Variants in PCF11 observed in about 807,000 individuals in gnomAD.
PCF11 encodes the protein PCF11 cleavage and polyadenylation factor subunit.
Under a neutral mutation model 166.1 loss-of-function variants are expected in PCF11, and 19 were observed. The ratio of observed to expected loss-of-function variants is 0.11; its 90% CI spans 0.08 to 0.17. The LOEUF (loss-of-function observed/expected upper bound fraction) is 0.17, where lower values mean the gene tolerates loss of function less well. PCF11 is among the 10% of genes least tolerant of loss of function. The pLI is 1.00. For synonymous variants in PCF11, 663 were observed against 644.1 expected (o/e 1.03, Z -0.44); for missense variants, 1,565 against 1,855.5 (o/e 0.84, Z 2.88).
At chr11:83,162,031 C>T (rs1370933156) in intron 2 of PCF11, among the ~76,000 whole-genome samples, 2 of 152,230 alleles carry the variant, frequency 1.3e-5, no homozygotes, top group African/African-American at 2.4e-5. Flanking sequence ...TTTGCCCCTA[C>T]CTTAGTGTTC....
exon 1 of PCF11, chr11:83,157,484 G>C (rs1354389278): frequency 6.2e-7 from 1 of 1,613,258 alleles, no homozygotes; most frequent in Non-Finnish European, 8.5e-7. Flanking sequence ...CGGGGGCCCG[G>C]GAGGACGCCT....
chr11:83,157,791 G>GA, intron 1 of PCF11, 160 bp downstream of exon 1: 2 of 651,684 alleles, frequency 3.1e-6, no homozygotes, highest in Non-Finnish European at 5.3e-6. Context: ...CCCAGGCTTC[G>GA]AGCATGGGCC....
rs1417014541 is a variant in PCF11, at chr11:83,169,757, A to G, written c.3422A>G (p.Asn1141Ser). The G allele has an allele frequency of 3.7e-6, 6 of 1,613,830 alleles. No homozygotes were observed. The African/African-American group carries it at 6.7e-5, about 18-fold the overall frequency. ...GGTCCATATAATGATCCACCTGGCA[A>G]TGCTTTTAATGCCCCATCCCAAGGA... The change falls in exon 8 of 16, where the codon AAT (asparagine) becomes AGT (serine). Residue 1141 changes from asparagine (N) to serine (S), a missense_variant. Transcript: ENST00000298281.
At chr11:83,177,933 A>G in intron 11 of PCF11, 114 bp downstream of exon 11, 1 of 409,708 alleles carries the variant, frequency 2.4e-6, no homozygotes, top group East Asian at 3.6e-5. Context: ...TTACTGTTTT[A>G]ACATTTAGGA....
At chr11:83,157,389 G>A in exon 1 of PCF11, 5 of 1,542,136 alleles carry the variant, frequency 3.2e-6, no homozygotes, top group Non-Finnish European at 4.4e-6. Context: ...GGGGTATCCA[G>A]AGCGGCTTCA....
At chr11:83,184,831 A>G in exon 16 of PCF11, 2 of 1,595,452 alleles carry the variant, frequency 1.3e-6, no homozygotes, top group Non-Finnish European at 1.7e-6. Context: ...CAGCTTGTAC[A>G]GAGGAAAGCA....
intron 15 of PCF11, among the ~76,000 whole-genome samples, chr11:83,183,411 C>A (rs1461224315): frequency 6.6e-6 from 1 of 151,942 alleles, no homozygotes; most frequent in East Asian, 1.9e-4. Context: ...GATGGGGATA[C>A]GTTTCTAGAG....
chr11:83,166,730 T>G lies in PCF11; in HGVS notation c.1817+16T>G, dbSNP rs1274377056. On this transcript the variant is annotated intron_variant, in intron 5 of 15. Coordinates refer to ENST00000298281, the Ensembl canonical transcript of PCF11. ...AAAATAAAAGGTATGATGTTAACAT[T>G]TTAAGTCAAGTGTAGTAGTGTATAT... is the stretch of plus-strand genomic sequence containing the variant. 1.3e-6 allele frequency: 2 copies of G among 1,565,754 alleles called. No homozygotes were observed. Among genetic ancestry groups the G allele is most frequent in the Non-Finnish European group, 8.6e-7 (1 of 1,161,592 alleles).
exon 8 of PCF11, chr11:83,168,937 C>G (rs764993827): frequency 6.2e-6 from 10 of 1,613,456 alleles, no homozygotes; most frequent in African/African-American, 5.3e-5. Context: ...ATTTGAGGGA[C>G]CAGGAGGCCA....
chr11:83,157,710 C>A, intron 1 of PCF11, 79 bp downstream of exon 1: 1 of 1,303,170 alleles, frequency 7.7e-7, no homozygotes, highest in Non-Finnish European at 1.1e-6. Context: ...GGTCTCGCTT[C>A]CATCCCAAGG....
chr11:83,168,281 G>A (rs1357081186), intron 7 of PCF11, 147 bp from the exon 8 acceptor site: 18 of 720,872 alleles, frequency 2.5e-5, no homozygotes, highest in Middle Eastern at 7.7e-4. Context: ...GACTCTAGAG[G>A]GCATCCTCTT....
chr11:83,157,303 C>G (rs755951179), exon 1 of PCF11: 16 of 728,452 alleles, frequency 2.2e-5, no homozygotes, highest in East Asian at 8.1e-5. Context: ...TCCCCCATCC[C>G]CCCTCCGCGG....
At chr11:83,175,313 A>G (rs1860837637) in intron 9 of PCF11, among the ~76,000 whole-genome samples, 1 of 152,068 alleles carries the variant, frequency 6.6e-6, no homozygotes, top group Admixed American at 6.6e-5. Flanking sequence ...TGTATTTTTT[A>G]GTAGAGACGG....
intron 1 of PCF11, chr11:83,158,566 A>G (rs1860098771): frequency 6.6e-6 from 1 of 152,200 alleles, no homozygotes. Context: ...TATGGGAGCG[A>G]TATGTCATTT....
chr11:83,157,180 A>T, exon 1 of PCF11: 1 of 574,230 alleles, frequency 1.7e-6, no homozygotes, highest in Non-Finnish European at 3.1e-6. Flanking sequence ...TGGAGCCGCC[A>T]CTGCCGCCGC....
At chr11:83,179,719 C>T (rs1234292103) in intron 11 of PCF11, among the ~76,000 whole-genome samples, 1 of 152,092 alleles carries the variant, frequency 6.6e-6, no homozygotes, top group Non-Finnish European at 1.5e-5. Context: ...GCTTGGCCAA[C>T]ATGGTAACAT....
At chr11:83,165,388 A>G (rs1860408518) in intron 4 of PCF11, among the ~76,000 whole-genome samples, 1 of 152,222 alleles carries the variant, frequency 6.6e-6, no homozygotes, top group South Asian at 2.1e-4. Context: ...ATAAAGTCTC[A>G]AAAAATACTA....
At chr11:83,187,099 T>C (rs1222432231) in exon 16 of PCF11, 3 of 151,914 alleles carry the variant, frequency 2.0e-5, no homozygotes, top group African/African-American at 7.3e-5. Flanking sequence ...AGTAGCACAA[T>C]CTCGGCTCAG....
chr11:83,169,737 A>G, exon 8 of PCF11: 2 of 1,614,008 alleles, frequency 1.2e-6, no homozygotes, highest in Non-Finnish European at 1.7e-6. Context: ...AGACTGGTCC[A>G]TATAATGATC....
Sources: gnomAD v4.1 joint callset for allele counts (sites outside exome capture counted in the v4.1 genomes callset) on GRCh38, gnomAD v4.1.1 for gene constraint, MANE v1.5 for transcripts, NCBI Gene and HGNC (gene_info 2026-07-23, HGNC 2026-07-21) for gene names.